Variants in ACAP2 observed in about 807,000 individuals in gnomAD.
ACAP2 encodes the protein ArfGAP with coiled-coil, ankyrin repeat and PH domains 2.
ACAP2 carries 39 observed loss-of-function variants against 115.8 expected under a neutral mutation model. That is an observed-to-expected ratio of 0.34 (90% CI 0.26 to 0.44). The LOEUF (loss-of-function observed/expected upper bound fraction) is 0.44, where lower values mean the gene tolerates loss of function less well. Among genes scored for constraint, ACAP2 ranks in the 20% least tolerant of loss-of-function variants. ACAP2 has a pLI of 1.00. For missense variants in ACAP2, 662 were observed against 927.6 expected, an observed-to-expected ratio of 0.71 and a Z score of 3.72; for synonymous variants, 289 against 315.8, an observed-to-expected ratio of 0.92 and a Z score of 0.90.
At chr3:195,333,967 A>C (rs1730337656) in intron 7 of ACAP2, among the ~76,000 whole-genome samples, 1 of 152,170 alleles carries the variant, frequency 6.6e-6, no homozygotes. Context: ...TCATTCCACA[A>C]ATCTAAAAAG....
intron 18 of ACAP2, among the ~76,000 whole-genome samples, chr3:195,294,368 A>C (rs1228144822): frequency 6.6e-6 from 1 of 151,518 alleles, no homozygotes; most frequent in African/African-American, 2.4e-5. Flanking sequence ...TCACAAGGTC[A>C]GGAGTTCGAG....
intron 1 of ACAP2, among the ~76,000 whole-genome samples, 154 bp downstream of exon 1, chr3:195,442,641 G>C (rs925201579): frequency 2.0e-5 from 3 of 152,218 alleles, no homozygotes; most frequent in Non-Finnish European, 4.4e-5. Context: ...GGGGACTGCA[G>C]TGCCCTCGCA....
At chr3:195,302,928 A>T (rs184051306) in intron 13 of ACAP2, among the ~76,000 whole-genome samples, 403 of 152,158 alleles carry the variant, frequency 2.6e-3, no homozygotes, top group African/African-American at 9.3e-3. Context: ...CTAAAAAAGA[A>T]TATGTCTGGG....
At chr3:195,330,556 G>A (rs1015122476) in intron 8 of ACAP2, among the ~76,000 whole-genome samples, 2 of 152,144 alleles carry the variant, frequency 1.3e-5, no homozygotes, top group African/African-American at 2.4e-5. Flanking sequence ...TAGTGTGTGA[G>A]GAATGTCTAA....
Position 195,443,012 on chromosome 3 carries a change from A to G in ACAP2, c.-165T>C, listed in dbSNP as rs1013969208. On this transcript the variant is annotated 5_prime_UTR_variant, in exon 1 of 23. Transcript: ENST00000326793. The stretch of plus-strand genomic sequence containing the variant: ...CATAGCAGCCGCGAAGACGGCGACG[A>G]CTAGTCAGGCCCCAGTCCCGCCCCT... 1 of 553,656 alleles carries G rather than the reference A, an allele frequency of 1.8e-6. No homozygotes were observed. The highest frequency in any genetic ancestry group is 3.0e-6 in the Non-Finnish European group (1 of 332,096). 34.3% of individuals were successfully genotyped at this position (553,656 alleles called of 1,614,324 possible). A position where few individuals can be genotyped will look rare whatever the true frequency, so the allele number is the denominator to read the frequency against.
chr3:195,365,203 G>A (rs1336074979), intron 4 of ACAP2, among the ~76,000 whole-genome samples: 1 of 152,006 alleles, frequency 6.6e-6, no homozygotes, highest in Non-Finnish European at 1.5e-5. Flanking sequence ...ATAGAACCTA[G>A]TATTTGCTAG....
At chr3:195,288,701 T>C (rs947507132) in intron 21 of ACAP2, among the ~76,000 whole-genome samples, 5 of 151,834 alleles carry the variant, frequency 3.3e-5, no homozygotes, top group Non-Finnish European at 7.4e-5. Flanking sequence ...CTACTAAAAA[T>C]ACAAAAATTA....
chr3:195,381,579 C>A (rs1577388413), intron 3 of ACAP2, among the ~76,000 whole-genome samples: 1 of 152,274 alleles, frequency 6.6e-6, no homozygotes, highest in East Asian at 1.9e-4. Context: ...CTATAAGCAG[C>A]TACTAGTAGG....
At chr3:195,287,033 GTTTTGTTATTTTA>G (rs1726888645) in intron 21 of ACAP2, among the ~76,000 whole-genome samples, 2 of 152,192 alleles carry the variant, frequency 1.3e-5, no homozygotes, top group South Asian at 4.1e-4. Flanking sequence ...ATGTTTTGCT[GTTTTGTTATTTTA>G]TTTGGCAGAG....
At chr3:195,388,262 G>C (rs2108764965) in intron 2 of ACAP2, among the ~76,000 whole-genome samples, 1 of 152,282 alleles carries the variant, frequency 6.6e-6, no homozygotes. Context: ...CCAACATTTG[G>C]TAGTACTTGG....
At chr3:195,302,856 G>T (rs140055858) in intron 13 of ACAP2, among the ~76,000 whole-genome samples, 2 of 152,244 alleles carry the variant, frequency 1.3e-5, no homozygotes, top group East Asian at 3.9e-4. Flanking sequence ...AAGCTGAAGC[G>T]GGAGGACCAC....
chr3:195,311,084 G>GTTTTTTTTT (rs1326890111), intron 10 of ACAP2, among the ~76,000 whole-genome samples: 2 of 122,582 alleles, frequency 1.6e-5, no homozygotes, highest in Non-Finnish European at 3.3e-5. Flanking sequence ...TTTCATTGTG[G>GTTTTTTTTT]TTTTTTTGTT....
chr3:195,435,676 T>C (rs1715480880), intron 1 of ACAP2, among the ~76,000 whole-genome samples: 1 of 152,228 alleles, frequency 6.6e-6, no homozygotes, highest in African/African-American at 2.4e-5. Flanking sequence ...TTCCTTGTTA[T>C]TGATTTCAAA....
At position 195,326,933 on chromosome 3, in the gene ACAP2, T is replaced by C; in HGVS notation, c.696A>G (p.Ala232=). The change falls in exon 9 of 23, where the codon GCA becomes GCG. Residue 232 remains alanine, a synonymous_variant. Transcript: ENST00000326793. ...TTTGCTCCATTTCTCTTTTCTCCTTTGCTGCATCCACAACCAGTCGATCCA... is the reference window on the plus strand; with the variant it reads ...TTTGCTCCATTTCTCTTTTCTCCTTCGCTGCATCCACAACCAGTCGATCCA... ...AQLDRLVVDA[A]KEKREMEQKH... 6.2e-7 allele frequency: 1 copy of C among 1,613,954 alleles called. No homozygotes were observed. Among genetic ancestry groups the C allele is most frequent in the Non-Finnish European group, 8.5e-7 (1 of 1,179,964 alleles).
intron 4 of ACAP2, among the ~76,000 whole-genome samples, chr3:195,379,144 G>C (rs1034980110): frequency 6.6e-6 from 1 of 151,964 alleles, no homozygotes; most frequent in Non-Finnish European, 1.5e-5. Context: ...AAGGCAAAAA[G>C]AAAACTATTA....
In ACAP2 at chr3:195,342,509, T is replaced by C. The variant is rs778867636; in HGVS notation, c.490A>G (p.Lys164Glu). Reference sequence around the variant, plus strand: ...TCGAGGGCTATGTGTCGGAAACATTTTCTTGTTGCTGTCAGAATGTTGGTG... The same window carrying C: ...TCGAGGGCTATGTGTCGGAAACATTCTCTTGTTGCTGTCAGAATGTTGGTG... Reference protein sequence around the residue: ...EATNILTATRKCFRHIALDYV... With the variant: ...EATNILTATRECFRHIALDYV... The change falls in exon 6 of 23, where the codon AAA (lysine) becomes GAA (glutamate). Residue 164 changes from lysine (K) to glutamate (E), a missense_variant. Lys to Glu is a moderately conservative substitution (Grantham distance 56). Around this residue, in one of 3 missense-constraint regions of ACAP2, gnomAD observed 401 missense variants for 604.4 expected, o/e 0.66. Coordinates refer to ENST00000326793, the MANE Select transcript of ACAP2 (RefSeq NM_012287.6). 1.9e-6 allele frequency: 3 copies of C among 1,610,642 alleles called. No homozygotes were observed. Among genetic ancestry groups the C allele is most frequent in the African/African-American group, 2.7e-5 (2 of 74,610 alleles).
At chr3:195,285,410 A>G (rs976433325) in intron 22 of ACAP2, 2 of 164,094 alleles carry the variant, frequency 1.2e-5, no homozygotes, top group African/African-American at 4.8e-5. Context: ...CTTGACAGCT[A>G]AAAAGAATTC....
At chr3:195,435,058 T>G (rs1349844367) in intron 1 of ACAP2, among the ~76,000 whole-genome samples, 2 of 151,954 alleles carry the variant, frequency 1.3e-5, no homozygotes, top group Non-Finnish European at 2.9e-5. Context: ...TCAATTGTTC[T>G]CTTCTCTATT....
At chr3:195,392,596 T>G (rs1577404969) in intron 1 of ACAP2, among the ~76,000 whole-genome samples, 1 of 152,228 alleles carries the variant, frequency 6.6e-6, no homozygotes, top group Non-Finnish European at 1.5e-5. Flanking sequence ...GTTTCCAAAG[T>G]ATTTTTTAAT....
Sources: allele counts gnomAD v4.1 joint callset (sites outside exome capture counted in the v4.1 genomes callset), GRCh38; gene constraint gnomAD v4.1.1; regional missense constraint gnomAD v4.1.1; transcripts MANE v1.5; gene names NCBI Gene and HGNC (gene_info 2026-07-23, HGNC 2026-07-21).